The following ASIP variants were observed in gnomAD, a reference collection of about 807,000 sequenced individuals.
ASIP encodes agouti-signaling protein.
A neutral mutation model predicts 10.3 loss-of-function variants in ASIP; 11 were observed. That is an observed-to-expected ratio of 1.07 (90% confidence interval 0.68 to 1.78). The LOEUF is 1.78. Ranked by LOEUF, ASIP falls within the 40% of genes most tolerant of loss-of-function variation. The pLI is 0.00. For synonymous variants in ASIP, 70 were observed against 70.8 expected, an observed-to-expected ratio of 0.99 and a Z score of 0.06; for missense variants, 180 against 169.2, an observed-to-expected ratio of 1.06 and a Z score of -0.35.
At chr20:34,236,029 AAAGAG>A (rs1170525900) in intron 1 of ASIP, among the ~76,000 whole-genome samples, 4 of 142,804 alleles carry the variant, frequency 2.8e-5, no homozygotes, top group African/African-American at 1.1e-4. Context: ...AGAGAAGAAG[AAAGAG>A]AAAGAAACAG....
upstream of ASIP, among the ~76,000 whole-genome samples, chr20:34,239,840 C>T (rs969570923): frequency 2.6e-5 from 4 of 152,178 alleles, no homozygotes; most frequent in South Asian, 2.1e-4. Context: ...CCCATCACCA[C>T]GAAAACAGAC....
At chr20:34,257,608 T>C (rs1394649508) in intron 1 of ASIP, among the ~76,000 whole-genome samples, 3 of 152,184 alleles carry the variant, frequency 2.0e-5, no homozygotes, top group Admixed American at 1.3e-4. Context: ...CTATTCCAAA[T>C]GTTACTGTAT....
chr20:34,234,132 G>A (rs1202187550), intron 1 of ASIP, among the ~76,000 whole-genome samples: 4 of 152,294 alleles, frequency 2.6e-5, no homozygotes, highest in Non-Finnish European at 2.9e-5. Context: ...AGTGGCACAA[G>A]CTTGATCAAA....
the ASIP span, among the ~76,000 whole-genome samples, chr20:34,187,192 C>G: frequency 6.6e-6 from 1 of 152,196 alleles, no homozygotes; most frequent in Non-Finnish European, 1.5e-5. Context: ...AACTTGCCAT[C>G]AGTGATCCAC....
In ASIP at chr20:34,202,645, T is replaced by G. The variant is rs140669259; in HGVS notation, c.-11+7885T>G. On this transcript the variant is annotated intron_variant, in intron 1 of 3. Transcript: ENST00000568305. The stretch of plus-strand genomic sequence containing the variant: ...CATTGTCTATCTAATATGTGTGTGT[T>G]GTTCTGGAATCTCCATTCTTTTCCA... 4.2e-3 allele frequency among the ~76,000 whole-genome samples: 645 copies of G among 152,226 alleles called. 4 individuals carry two copies. The highest frequency in any genetic ancestry group is 0.015 in the African/African-American group (608 of 41,524).
the ASIP span, among the ~76,000 whole-genome samples, chr20:34,186,507 G>A: frequency 6.6e-6 from 1 of 152,142 alleles, no homozygotes; most frequent in South Asian, 2.1e-4. Context: ...TACCAAAGTC[G>A]CTGGTAGCCT....
At chr20:34,211,933 T>C (rs2122549928) in intron 1 of ASIP, among the ~76,000 whole-genome samples, 1 of 152,350 alleles carries the variant, frequency 6.6e-6, no homozygotes, top group African/African-American at 2.4e-5. Context: ...GATAAAGATA[T>C]CAAGTATATA....
chr20:34,252,850 C>A (rs935626459), intron 1 of ASIP, among the ~76,000 whole-genome samples: 2 of 152,158 alleles, frequency 1.3e-5, no homozygotes, highest in African/African-American at 2.4e-5. Flanking sequence ...CCTGGTTAAT[C>A]GAGAATGGAG....
chr20:34,265,733 T>C (rs1033402239), intron 3 of ASIP, among the ~76,000 whole-genome samples: 1 of 150,282 alleles, frequency 6.7e-6, no homozygotes, highest in African/African-American at 2.4e-5. Context: ...GTGGATCACC[T>C]TAGGTCAGGA....
intron 1 of ASIP, among the ~76,000 whole-genome samples, chr20:34,245,061 C>T (rs2035346563): frequency 6.6e-6 from 1 of 152,064 alleles, no homozygotes; most frequent in Admixed American, 6.6e-5. Context: ...TCAGGCCGGG[C>T]ACAGTGGCTC....
At chr20:34,234,946 T>G (rs2035159612) in intron 1 of ASIP, 1 of 151,558 alleles carries the variant, frequency 6.6e-6, no homozygotes, top group Admixed American at 6.5e-5. Context: ...TGATTTAATC[T>G]TGTGTTGTTT....
intron 1 of ASIP, among the ~76,000 whole-genome samples, chr20:34,212,023 A>G (rs2034978311): frequency 2.6e-5 from 4 of 152,190 alleles, no homozygotes; most frequent in Admixed American, 2.0e-4. Context: ...TTCTAAGATT[A>G]TAACTGCTTA....
At chr20:34,225,329 G>T (rs1010861724) in intron 1 of ASIP, among the ~76,000 whole-genome samples, 1 of 151,198 alleles carries the variant, frequency 6.6e-6, no homozygotes, top group African/African-American at 2.4e-5. Context: ...GTGAGCCACC[G>T]CGCCCTGCCT....
chr20:34,240,110 A>T (rs2035264743), upstream of ASIP, among the ~76,000 whole-genome samples: 1 of 152,224 alleles, frequency 6.6e-6, no homozygotes, highest in Admixed American at 6.5e-5. Flanking sequence ...CTGTTTTGAA[A>T]GAAAGCTCAT....
intron 2 of ASIP, among the ~76,000 whole-genome samples, chr20:34,262,607 T>C (rs1568771429): frequency 6.6e-6 from 1 of 152,128 alleles, no homozygotes; most frequent in African/African-American, 2.4e-5. Flanking sequence ...GGATTTCCCA[T>C]TTGCCTTCCC....
chr20:34,252,716 G>A (rs981353148), intron 1 of ASIP, among the ~76,000 whole-genome samples: 10 of 152,120 alleles, frequency 6.6e-5, no homozygotes, highest in Non-Finnish European at 7.4e-5. Flanking sequence ...GTTGGGGGAT[G>A]GTAAGGTCTT....
chr20:34,247,638 T>G (rs2035402264), intron 1 of ASIP, among the ~76,000 whole-genome samples: 1 of 151,990 alleles, frequency 6.6e-6, no homozygotes, highest in Non-Finnish European at 1.5e-5. Context: ...AGACATGGTC[T>G]CATTCTGTTC....
intron 3 of ASIP, among the ~76,000 whole-genome samples, chr20:34,266,694 C>T (rs1347405964): frequency 6.6e-6 from 1 of 151,988 alleles, no homozygotes; most frequent in Non-Finnish European, 1.5e-5. Flanking sequence ...AACAAACAAA[C>T]AAAAAAGGCA....
intron 1 of ASIP, among the ~76,000 whole-genome samples, chr20:34,222,630 CTCTCCCTCTCCCTCTCCG>C (rs758141447): frequency 4.6e-4 from 58 of 126,566 alleles, no homozygotes; most frequent in South Asian, 4.6e-3. Flanking sequence ...AAGTTACTCC[CTCTCCCTCTCCCTCTCCG>C]TCTCCCTCTC....
Sources: allele counts gnomAD v4.1 joint callset (sites outside exome capture counted in the v4.1 genomes callset), GRCh38; gene constraint gnomAD v4.1.1; transcripts MANE v1.5; gene names NCBI Gene and HGNC (gene_info 2026-07-23, HGNC 2026-07-21).